Variants in TMEM132C observed in about 807,000 individuals in gnomAD.
The protein encoded by TMEM132C is protein phosphatase 1, regulatory subunit 152.
A neutral mutation model predicts 61.4 loss-of-function variants in TMEM132C; 29 were observed. The ratio of observed to expected loss-of-function variants is 0.47; its 90% CI spans 0.35 to 0.64. The LOEUF is 0.64. Ranked by LOEUF, TMEM132C falls within the 30% of genes least tolerant of loss-of-function variation. The pLI is 0.00. For missense variants in TMEM132C, 1,408 were observed against 1,476.9 expected (o/e 0.95, Z 0.76); for synonymous variants, 656 against 633.1 (o/e 1.04, Z -0.54).
chr12:128,422,881 G>A lies in TMEM132C; in HGVS notation c.974+7261G>A, dbSNP rs150921832. On this transcript the variant is annotated intron_variant, in intron 2 of 8. Coordinates refer to ENST00000435159, the MANE Select transcript of TMEM132C (RefSeq NM_001136103.3). ...CTTCTTTGGGGGACAAAATCACCCT[G>A]GTTGACAACCATGAGCCTACACCCT... Among the ~76,000 whole-genome samples the A allele has an allele frequency of 2.6e-5, 4 of 152,144 alleles. No homozygotes were observed. The East Asian group carries it at 7.7e-4, about 29-fold the overall frequency.
intron 1 of TMEM132C, among the ~76,000 whole-genome samples, chr12:128,302,269 G>A (rs540220023): frequency 6.6e-6 from 1 of 152,290 alleles, no homozygotes; most frequent in Non-Finnish European, 1.5e-5. Context: ...TTGGGTCTTG[G>A]AAGGAGCTGA....
At chr12:128,476,914 A>C (rs1871171793) in intron 2 of TMEM132C, among the ~76,000 whole-genome samples, 1 of 152,256 alleles carries the variant, frequency 6.6e-6, no homozygotes, top group South Asian at 2.1e-4. Flanking sequence ...AATTATCCAC[A>C]TAAATACTCA....
At chr12:128,549,410 C>A (rs565772694) in intron 3 of TMEM132C, among the ~76,000 whole-genome samples, 15 of 152,034 alleles carry the variant, frequency 9.9e-5, no homozygotes, top group Admixed American at 3.3e-4. Context: ...ACCATCACCC[C>A]CCGGCGCGTC....
intron 1 of TMEM132C, among the ~76,000 whole-genome samples, chr12:128,299,867 T>C (rs1005799569): frequency 1.3e-5 from 2 of 152,186 alleles, no homozygotes; most frequent in African/African-American, 4.8e-5. Context: ...AACTCTAAGA[T>C]GTTAGCACTG....
intron 3 of TMEM132C, among the ~76,000 whole-genome samples, chr12:128,582,667 T>G (rs74216870): frequency 3.4e-4 from 52 of 152,312 alleles, no homozygotes; most frequent in Middle Eastern, 3.4e-3. Flanking sequence ...CATTTTCTCT[T>G]GCCACCGCCA....
At chr12:128,300,245 T>A (rs73154731) in intron 1 of TMEM132C, among the ~76,000 whole-genome samples, 11,304 of 151,934 alleles carry the variant, frequency 0.074, 606 homozygotes, top group East Asian at 0.2. Flanking sequence ...GATGAAAGAC[T>A]GGGAGAAGTC....
chr12:128,643,429 C>T (rs1241418437), intron 4 of TMEM132C, among the ~76,000 whole-genome samples: 1 of 152,100 alleles, frequency 6.6e-6, no homozygotes, highest in Non-Finnish European at 1.5e-5. Flanking sequence ...TGCTCGTTAA[C>T]AATTGAGGAG....
chr12:128,624,320 T>TGGGGAGTGGACCACAAGGTCAGGAGTTCA (rs1953993634), intron 4 of TMEM132C, among the ~76,000 whole-genome samples: 1 of 151,248 alleles, frequency 6.6e-6, no homozygotes, highest in Non-Finnish European at 1.5e-5. Flanking sequence ...CCGAGGCGAG[T>TGGGGAGTGGACCACAAGGTCAGGAGTTCA]GGACCACAAG....
chr12:128,639,950 T>C (rs1954145163), intron 4 of TMEM132C, among the ~76,000 whole-genome samples: 1 of 152,258 alleles, frequency 6.6e-6, no homozygotes, highest in Non-Finnish European at 1.5e-5. Context: ...TTTGTTGTTG[T>C]TCATACTTAT....
chr12:128,527,938 C>A (rs1020380772), intron 2 of TMEM132C, among the ~76,000 whole-genome samples: 1 of 152,074 alleles, frequency 6.6e-6, no homozygotes, highest in Non-Finnish European at 1.5e-5. Context: ...TTTTTCTCAT[C>A]TGTTTAAAAA....
At chr12:128,524,234 G>GA (rs138112282) in intron 2 of TMEM132C, among the ~76,000 whole-genome samples, 1 of 152,150 alleles carries the variant, frequency 6.6e-6, no homozygotes, top group Non-Finnish European at 1.5e-5. Flanking sequence ...GTACCCTTTG[G>GA]AAAAAATTGG....
rs145741158 is a variant in TMEM132C, at chr12:128,363,315, C to G, written c.86-51417C>G. ...AAAGCCTGCTCTGCCCACTCCACTT[C>G]AACGACTTAACAATGACATTTTACT... On this transcript the variant is annotated intron_variant, in intron 1 of 8. Coordinates refer to ENST00000435159, the MANE Select transcript of TMEM132C (RefSeq NM_001136103.3). 3.3e-4 allele frequency among the ~76,000 whole-genome samples: 50 copies of G among 152,364 alleles called. No individual in the cohort carries two copies. In the East Asian group the frequency reaches 9.5e-3, roughly 29 times the overall value.
intron 3 of TMEM132C, among the ~76,000 whole-genome samples, chr12:128,601,599 G>C (rs1472394552): frequency 6.7e-6 from 1 of 148,872 alleles, no homozygotes; most frequent in African/African-American, 2.4e-5. Context: ...GGATGGCAGG[G>C]GTGAATGCCA....
intron 2 of TMEM132C, among the ~76,000 whole-genome samples, chr12:128,478,742 A>T (rs1158377255): frequency 6.6e-6 from 1 of 152,206 alleles, no homozygotes; most frequent in African/African-American, 2.4e-5. Flanking sequence ...AACTATTTGC[A>T]CACCAGATAG....
At chr12:128,271,308 A>T (rs2135889226) in intron 1 of TMEM132C, among the ~76,000 whole-genome samples, 1 of 145,026 alleles carries the variant, frequency 6.9e-6, no homozygotes, top group Admixed American at 6.9e-5. Context: ...ATAATAATAA[A>T]ATGAAATGAA....
At chr12:128,279,064 A>G (rs1186408964) in intron 1 of TMEM132C, among the ~76,000 whole-genome samples, 5 of 152,112 alleles carry the variant, frequency 3.3e-5, no homozygotes, top group Non-Finnish European at 5.9e-5. Flanking sequence ...CTCTCCTTAT[A>G]TACTCACTCT....
At chr12:128,374,165 C>T (rs1593029668) in intron 1 of TMEM132C, among the ~76,000 whole-genome samples, 1 of 152,078 alleles carries the variant, frequency 6.6e-6, no homozygotes, top group African/African-American at 2.4e-5. Context: ...GGAATGATAA[C>T]GGTGACACAC....
At chr12:128,466,979 A>G (rs762858665) in intron 2 of TMEM132C, among the ~76,000 whole-genome samples, 9 of 152,194 alleles carry the variant, frequency 5.9e-5, no homozygotes, top group Non-Finnish European at 1.0e-4. Flanking sequence ...CTTTTGAGCC[A>G]GCACTTGTGG....
intron 3 of TMEM132C, among the ~76,000 whole-genome samples, chr12:128,604,643 T>G (rs1876346147): frequency 6.6e-6 from 1 of 151,664 alleles, no homozygotes; most frequent in Non-Finnish European, 1.5e-5. Context: ...AGATAATAGA[T>G]GGATAGACAG....
Sources: gnomAD v4.1 joint callset for allele counts (sites outside exome capture counted in the v4.1 genomes callset) on GRCh38, gnomAD v4.1.1 for gene constraint, MANE v1.5 for transcripts, NCBI Gene and HGNC (gene_info 2026-07-23, HGNC 2026-07-21) for gene names.